The following EVA1C variants were observed in gnomAD, a reference collection of about 807,000 sequenced individuals.
EVA1C encodes eva-1 homolog C, also known as protein eva-1 homolog C.
Under a neutral mutation model 45.4 loss-of-function variants are expected in EVA1C, and 25 were observed. That is an observed-to-expected ratio of 0.55 (90% CI 0.40 to 0.77). The LOEUF (loss-of-function observed/expected upper bound fraction) is 0.77. Ranked by LOEUF, EVA1C falls within the 30% of genes least tolerant of loss-of-function variation. The probability of loss-of-function intolerance (pLI) is 0.00; values close to 1 mark genes in which losing one functional copy is unlikely to be tolerated. For synonymous variants in EVA1C, 190 were observed against 221.2 expected, an observed-to-expected ratio of 0.86 and a Z score of 1.25; for missense variants, 479 against 554.8, an observed-to-expected ratio of 0.86 and a Z score of 1.37.
chr21:32,468,849 C>A (rs1016174563), intron 4 of EVA1C, among the ~76,000 whole-genome samples: 1 of 152,156 alleles, frequency 6.6e-6, no homozygotes, highest in Admixed American at 6.5e-5. Flanking sequence ...TACTTTGTAT[C>A]CTTCAATCCA....
chr21:32,502,033 TTTCTTTCTTTCTTTCTTTCTTC>T, intron 6 of EVA1C, among the ~76,000 whole-genome samples: 1 of 115,870 alleles, frequency 8.6e-6, no homozygotes, highest in East Asian at 2.3e-4. Flanking sequence ...TCTTTCTTTC[TTTCTTTCTTTCTTTCTTTCTTC>T]TTTCTTTCTT....
At chr21:32,454,801 T>G (rs942484728) in intron 2 of EVA1C, among the ~76,000 whole-genome samples, 3 of 152,136 alleles carry the variant, frequency 2.0e-5, no homozygotes, top group East Asian at 1.9e-4. Flanking sequence ...AGACGCAAAC[T>G]AATGTGATGA....
chr21:32,477,022 C>G (rs1463256696), intron 4 of EVA1C, among the ~76,000 whole-genome samples: 1 of 152,052 alleles, frequency 6.6e-6, no homozygotes, highest in Admixed American at 6.6e-5. Flanking sequence ...TTCCCAACCG[C>G]CCCATCATCA....
At chr21:32,477,311 C>T (rs995671029) in intron 4 of EVA1C, among the ~76,000 whole-genome samples, 4 of 152,148 alleles carry the variant, frequency 2.6e-5, no homozygotes, top group Admixed American at 1.3e-4. Context: ...CCAAAGCCAC[C>T]CCCACAGTTT....
intron 4 of EVA1C, among the ~76,000 whole-genome samples, chr21:32,488,648 C>G (rs145572402): frequency 0.016 from 2,351 of 151,004 alleles, 21 homozygotes; most frequent in Non-Finnish European, 0.025. Context: ...TGCAGTGGTG[C>G]AATCTCAGCT....
In EVA1C at chr21:32,513,551, C is replaced by CTTTTT. The variant is rs1165725714; in HGVS notation, c.950-1248_950-1244dup. 5.5e-3 allele frequency among the ~76,000 whole-genome samples: 582 copies of CTTTTT among 106,664 alleles called. 5 individuals carry two copies. The highest frequency in any genetic ancestry group is 7.2e-3 in the Non-Finnish European group (409 of 56,908). The allele number at this position is 106,664 out of a possible 152,430, so 70.0% of individuals were successfully genotyped here. On this transcript the variant is annotated intron_variant, in intron 7 of 7. Coordinates refer to ENST00000300255, the MANE Select transcript of EVA1C (RefSeq NM_058187.5). ...TTATTTATTTTAATATTTTTCTTTT[C>CTTTTT]TTTTTTTTTTTTTTTTTTTGAGGCA...
intron 4 of EVA1C, among the ~76,000 whole-genome samples, chr21:32,469,444 T>C (rs2146308269): frequency 6.6e-6 from 1 of 152,302 alleles, no homozygotes; most frequent in Middle Eastern, 3.4e-3. Flanking sequence ...GGCTGGACTG[T>C]AGCTGGGTAT....
chr21:32,420,863 C>T (rs1040289051), intron 1 of EVA1C, among the ~76,000 whole-genome samples: 1 of 152,172 alleles, frequency 6.6e-6, no homozygotes, highest in African/African-American at 2.4e-5. Flanking sequence ...GATTTGAATC[C>T]AGGTAGCCTT....
At chr21:32,491,739 A>G (rs1431897745) in intron 4 of EVA1C, among the ~76,000 whole-genome samples, 1 of 150,220 alleles carries the variant, frequency 6.7e-6, no homozygotes, top group African/African-American at 2.4e-5. Context: ...AACCATTTGA[A>G]GGGAAGAAAA....
intron 1 of EVA1C, among the ~76,000 whole-genome samples, chr21:32,416,148 T>C (rs945013891): frequency 2.0e-5 from 3 of 151,126 alleles, no homozygotes; most frequent in Admixed American, 6.6e-5. Flanking sequence ...CCTTAAAGAG[T>C]GGTGTTTCAG....
intron 1 of EVA1C, among the ~76,000 whole-genome samples, chr21:32,430,646 G>A (rs2034662485): frequency 6.6e-6 from 1 of 152,090 alleles, no homozygotes; most frequent in Non-Finnish European, 1.5e-5. Context: ...CAGCAGGCAA[G>A]AGAGCTTGTG....
In EVA1C at chr21:32,502,994, G is replaced by A. The variant is rs570315054; in HGVS notation, c.860-932G>A. ...AACAGCCTGGTCCCCCTGCAGTGGG[G>A]GCCTGAGAGCCAACCCTGTGCCGTC... On this transcript the variant is annotated intron_variant, in intron 6 of 7. Transcript: ENST00000300255. Among the ~76,000 whole-genome samples, 42 of 152,280 alleles carry A rather than the reference G, an allele frequency of 2.8e-4. No homozygotes were observed. In the Middle Eastern group the frequency reaches 0.01, roughly 37 times the overall value.
intron 2 of EVA1C, among the ~76,000 whole-genome samples, chr21:32,456,261 A>G (rs547085929): frequency 2.6e-5 from 4 of 152,274 alleles, no homozygotes; most frequent in African/African-American, 9.6e-5. Context: ...GTTGCTTAAC[A>G]TGGGGAGACA....
intron 7 of EVA1C, among the ~76,000 whole-genome samples, chr21:32,508,915 G>A (rs2037860061): frequency 1.3e-5 from 2 of 152,338 alleles, no homozygotes; most frequent in African/African-American, 4.8e-5. Flanking sequence ...CACTCCAGCT[G>A]GGGATGAACC....
intron 1 of EVA1C, among the ~76,000 whole-genome samples, chr21:32,441,296 C>T (rs1299578136): frequency 1.3e-5 from 2 of 151,910 alleles, no homozygotes; most frequent in Non-Finnish European, 2.9e-5. Context: ...TGCTGTCTTG[C>T]AGAGCAACCC....
At chr21:32,484,260 G>A (rs1048584624) in intron 4 of EVA1C, among the ~76,000 whole-genome samples, 8 of 152,122 alleles carry the variant, frequency 5.3e-5, no homozygotes, top group African/African-American at 1.9e-4. Flanking sequence ...TTCTTGGGGT[G>A]GACCAGGCGC....
chr21:32,436,479 T>C (rs1167278887), intron 1 of EVA1C, among the ~76,000 whole-genome samples: 1 of 152,298 alleles, frequency 6.6e-6, no homozygotes, highest in Non-Finnish European at 1.5e-5. Context: ...CTCTGCTATC[T>C]TTGCTTCTCC....
intron 1 of EVA1C, among the ~76,000 whole-genome samples, chr21:32,432,477 A>G (rs1225404185): frequency 6.6e-6 from 1 of 152,102 alleles, no homozygotes; most frequent in Non-Finnish European, 1.5e-5. Flanking sequence ...ACGCACCACC[A>G]AAGTTGCTCC....
intron 5 of EVA1C, chr21:32,496,800 C>T (rs1313698304): frequency 7.8e-6 from 6 of 770,716 alleles, no homozygotes; most frequent in African/African-American, 1.7e-5. Flanking sequence ...CCGCCATAGC[C>T]CTGGGAACGG....
Sources: allele counts gnomAD v4.1 joint callset (sites outside exome capture counted in the v4.1 genomes callset), GRCh38; gene constraint gnomAD v4.1.1; transcripts MANE v1.5; gene names NCBI Gene and HGNC (gene_info 2026-07-23, HGNC 2026-07-21).